The following ROBO2 variants were observed in gnomAD, a reference collection of about 807,000 sequenced individuals.
The protein encoded by ROBO2 is roundabout guidance receptor 2.
Under a neutral mutation model 160.8 loss-of-function variants are expected in ROBO2, and 53 were observed. That is an observed-to-expected ratio of 0.33 (90% CI 0.26 to 0.41). ROBO2 has a LOEUF of 0.41. Ranked by LOEUF, ROBO2 falls within the 10% of genes least tolerant of loss-of-function variation. ROBO2 has a pLI of 1.00. For missense variants in ROBO2, 1,577 were observed against 1,722.4 expected, an observed-to-expected ratio of 0.92 and a Z score of 1.49; for synonymous variants, 664 against 611.7, an observed-to-expected ratio of 1.09 and a Z score of -1.26.
chr3:76,376,376 ACAGT>A (rs1203095938), intron 2 of ROBO2, among the ~76,000 whole-genome samples: 1 of 152,110 alleles, frequency 6.6e-6, no homozygotes, highest in Non-Finnish European at 1.5e-5. Context: ...AGAGAACCAC[ACAGT>A]CAAAGAAACC....
chr3:77,192,325 C>T (rs75553291), intron 2 of ROBO2, among the ~76,000 whole-genome samples: 1 of 151,978 alleles, frequency 6.6e-6, no homozygotes, highest in Non-Finnish European at 1.5e-5. Context: ...AAATGTAATT[C>T]CTTCATTTCA....
At chr3:76,356,270 A>G (rs926675668) in intron 2 of ROBO2, among the ~76,000 whole-genome samples, 1 of 151,660 alleles carries the variant, frequency 6.6e-6, no homozygotes, top group African/African-American at 2.4e-5. Flanking sequence ...GAAAAGAGAA[A>G]CAAGTGAGCA....
At chr3:75,964,276 G>A (rs750763118) in intron 2 of ROBO2, among the ~76,000 whole-genome samples, 3 of 151,626 alleles carry the variant, frequency 2.0e-5, no homozygotes, top group Non-Finnish European at 4.4e-5. Context: ...TGCAGAATGT[G>A]TAAAAAAAAT....
At chr3:77,368,973 G>A (rs185939536) in intron 2 of ROBO2, among the ~76,000 whole-genome samples, 57 of 152,250 alleles carry the variant, frequency 3.7e-4, no homozygotes, top group African/African-American at 1.3e-3. Flanking sequence ...ACTTACGGGG[G>A]TGTTAAAATT....
At chr3:77,248,777 C>CTTT (rs56271044) in intron 2 of ROBO2, among the ~76,000 whole-genome samples, 29,195 of 141,168 alleles carry the variant, frequency 0.21, 3,348 homozygotes, top group Middle Eastern at 0.34. Flanking sequence ...ATCACTTGCT[C>CTTT]TTTTTTTTTT....
chr3:76,878,578 G>C (rs2073018011), intron 2 of ROBO2, among the ~76,000 whole-genome samples: 1 of 152,042 alleles, frequency 6.6e-6, no homozygotes, highest in South Asian at 2.1e-4. Flanking sequence ...AAGAAAATCT[G>C]ACCTAAGACC....
intron 2 of ROBO2, among the ~76,000 whole-genome samples, chr3:76,576,806 A>C (rs1179260420): frequency 6.6e-6 from 1 of 150,440 alleles, no homozygotes; most frequent in South Asian, 2.1e-4. Context: ...AAAAGTAAAA[A>C]AGAAAATGAG....
intron 2 of ROBO2, among the ~76,000 whole-genome samples, chr3:76,971,818 A>T (rs1013096234): frequency 2.0e-5 from 3 of 152,202 alleles, no homozygotes; most frequent in Non-Finnish European, 4.4e-5. Flanking sequence ...ATTCAACTCA[A>T]CAAATGGTTC....
chr3:77,528,010 A>C (rs1039349596), intron 6 of ROBO2, among the ~76,000 whole-genome samples: 1 of 151,584 alleles, frequency 6.6e-6, no homozygotes, highest in Non-Finnish European at 1.5e-5. Context: ...TTGTGGTTTT[A>C]ATATATCTTA....
At chr3:75,924,525 G>C (rs1480172746) in intron 1 of ROBO2, among the ~76,000 whole-genome samples, 1 of 151,958 alleles carries the variant, frequency 6.6e-6, no homozygotes, top group Non-Finnish European at 1.5e-5. Context: ...ACCCCCAGAA[G>C]TATAAAGACA....
chr3:77,477,826 A>C lies in ROBO2; in HGVS notation c.546+255A>C, dbSNP rs185361689. Among the ~76,000 whole-genome samples, 822 of 135,676 alleles carry C rather than the reference A, an allele frequency of 6.1e-3. 4 individuals are homozygous for C. Among genetic ancestry groups the C allele is most frequent in the Middle Eastern group, 0.011 (3 of 262 alleles). 89.0% of individuals were successfully genotyped at this position (135,676 alleles called of 152,430 possible). ...CTTTACACTGCAATATTGATATTTT[A>C]GCTCTTTTTTTTTTTTTTTTTTTTT... is the stretch of plus-strand genomic sequence containing the variant. On this transcript the variant is annotated intron_variant, in intron 3 of 25. Coordinates refer to ENST00000461745, the Ensembl canonical transcript of ROBO2.
chr3:76,804,293 A>G (rs935910897), intron 2 of ROBO2, among the ~76,000 whole-genome samples: 3 of 152,208 alleles, frequency 2.0e-5, no homozygotes, highest in African/African-American at 7.2e-5. Context: ...GAAGAGATCC[A>G]TCTATGTGAA....
intron 2 of ROBO2, among the ~76,000 whole-genome samples, chr3:76,884,792 G>A (rs2073715682): frequency 6.6e-6 from 1 of 151,898 alleles, no homozygotes; most frequent in Non-Finnish European, 1.5e-5. Flanking sequence ...TAATTCTGAG[G>A]TTAATGCTTG....
intron 2 of ROBO2, among the ~76,000 whole-genome samples, chr3:77,014,008 C>T (rs2062074298): frequency 6.6e-6 from 1 of 151,834 alleles, no homozygotes; most frequent in Non-Finnish European, 1.5e-5. Flanking sequence ...ACTTTAAATG[C>T]ACTGAATTTT....
chr3:77,588,159 T>A (rs1169501142), intron 16 of ROBO2, among the ~76,000 whole-genome samples: 2 of 152,182 alleles, frequency 1.3e-5, no homozygotes, highest in East Asian at 3.9e-4. Context: ...TTTTCATATT[T>A]TAATTATACA....
intron 2 of ROBO2, among the ~76,000 whole-genome samples, chr3:77,133,839 C>A (rs557807350): frequency 6.6e-6 from 1 of 152,238 alleles, no homozygotes; most frequent in Admixed American, 6.5e-5. Context: ...ATTTTCTTAT[C>A]TATTTTATTC....
At chr3:76,120,887 G>T (rs183310199) in intron 2 of ROBO2, among the ~76,000 whole-genome samples, 35 of 152,098 alleles carry the variant, frequency 2.3e-4, no homozygotes, top group Non-Finnish European at 4.6e-4. Flanking sequence ...AACAATACTT[G>T]CCTGCAATAT....
At chr3:76,811,827 TTCCTTCCTTCTTTCCTTCCTTCCTTCC>T (rs2108999879) in intron 2 of ROBO2, among the ~76,000 whole-genome samples, 1 of 71,806 alleles carries the variant, frequency 1.4e-5, no homozygotes, top group Admixed American at 2.0e-4. Context: ...CCTTCCTTCC[TTCCTTCCTTCTTTCCTTCCTTCCTTCC>T]TTCCTTCCTT....
intron 2 of ROBO2, among the ~76,000 whole-genome samples, chr3:76,134,531 A>G (rs2071354051): frequency 6.7e-6 from 1 of 149,316 alleles, no homozygotes; most frequent in South Asian, 2.1e-4. Flanking sequence ...ACCCTTTAAA[A>G]GAAGATCTGG....
Sources: allele counts gnomAD v4.1 joint callset (sites outside exome capture counted in the v4.1 genomes callset), GRCh38; gene constraint gnomAD v4.1.1; transcripts MANE v1.5; gene names NCBI Gene and HGNC (gene_info 2026-07-23, HGNC 2026-07-21).